The following GRIK2 variants were observed in gnomAD, a reference collection of about 807,000 sequenced individuals.
GRIK2 encodes glutamate receptor ionotropic, kainate 2.
Under a neutral mutation model 100.3 loss-of-function variants are expected in GRIK2, and 32 were observed. The ratio of observed to expected loss-of-function variants is 0.32; its 90% confidence interval spans 0.24 to 0.43. GRIK2 has a LOEUF of 0.43. Ranked by LOEUF, GRIK2 falls within the 20% of genes least tolerant of loss-of-function variation. The pLI is 1.00. For synonymous variants in GRIK2, 417 were observed against 389.4 expected, an observed-to-expected ratio of 1.07 and a Z score of -0.83; for missense variants, 843 against 1,114.9, an observed-to-expected ratio of 0.76 and a Z score of 3.47.
intron 4 of GRIK2, among the ~76,000 whole-genome samples, chr6:101,630,800 T>C (rs1235050657): frequency 6.6e-6 from 1 of 152,120 alleles, no homozygotes. Context: ...CATTACTGTC[T>C]TTATGATGGA....
intron 2 of GRIK2, among the ~76,000 whole-genome samples, chr6:101,414,263 A>G (rs1776008234): frequency 1.3e-5 from 2 of 152,204 alleles, no homozygotes; most frequent in Admixed American, 6.5e-5. Context: ...TTGCTATCAG[A>G]TTAGAATGAC....
At chr6:102,005,585 T>A (rs1795172506) in intron 14 of GRIK2, among the ~76,000 whole-genome samples, 1 of 152,100 alleles carries the variant, frequency 6.6e-6, no homozygotes, top group Non-Finnish European at 1.5e-5. Context: ...TCCATAAAAA[T>A]AAGCTTTATC....
chr6:101,669,614 G>T (rs1770281157), intron 4 of GRIK2, among the ~76,000 whole-genome samples: 1 of 152,032 alleles, frequency 6.6e-6, no homozygotes, highest in Admixed American at 6.6e-5. Flanking sequence ...GATGGATATA[G>T]ACCCACAGAA....
chr6:101,446,973 ATAT>A (rs1267295335), intron 2 of GRIK2, among the ~76,000 whole-genome samples: 2 of 38,912 alleles, frequency 5.1e-5, no homozygotes, highest in Admixed American at 4.0e-4. Flanking sequence ...ATATATTTAT[ATAT>A]TATATGTTTA....
chr6:101,549,058 AG>A (rs1776385697), intron 2 of GRIK2, among the ~76,000 whole-genome samples: 1 of 152,146 alleles, frequency 6.6e-6, no homozygotes, highest in African/African-American at 2.4e-5. Context: ...ACCATCTCTC[AG>A]GATATGAACA....
intron 2 of GRIK2, among the ~76,000 whole-genome samples, chr6:101,589,857 T>C (rs1411887643): frequency 1.3e-5 from 2 of 152,028 alleles, no homozygotes. Flanking sequence ...AAACAAAGAT[T>C]TGGGACTCAA....
chr6:101,626,210 G>C (rs1448528375), intron 3 of GRIK2, among the ~76,000 whole-genome samples, 170 bp from the exon 4 acceptor site: 1 of 152,120 alleles, frequency 6.6e-6, no homozygotes, highest in Non-Finnish European at 1.5e-5. Context: ...CAAACGGAAA[G>C]TGTTCAGAGT....
At chr6:101,782,926 A>G (rs9498702) in intron 7 of GRIK2, among the ~76,000 whole-genome samples, 36,841 of 145,352 alleles carry the variant, frequency 0.25, 5,921 homozygotes, top group East Asian at 0.69. Context: ...GTGCGATCTC[A>G]GCTCACTGCA....
intron 7 of GRIK2, among the ~76,000 whole-genome samples, chr6:101,710,156 GA>G (rs1228360577): frequency 6.6e-6 from 1 of 151,870 alleles, no homozygotes; most frequent in Non-Finnish European, 1.5e-5. Context: ...AGAGCCCTCT[GA>G]TGTTCCTCAT....
intron 4 of GRIK2, among the ~76,000 whole-genome samples, chr6:101,657,850 A>G (rs775828210): frequency 4.6e-5 from 7 of 152,108 alleles, no homozygotes; most frequent in Admixed American, 6.6e-5. Context: ...GAATGCATAT[A>G]GATACATGGT....
chr6:102,050,583 G>T (rs1304384247), intron 15 of GRIK2, among the ~76,000 whole-genome samples: 38 of 150,610 alleles, frequency 2.5e-4, no homozygotes, highest in African/African-American at 8.1e-4. Flanking sequence ...GGAGGCGGAG[G>T]TTGCAGTGAG....
chr6:101,397,038 T>G (rs3811080), intron 1 of GRIK2, among the ~76,000 whole-genome samples: 4,924 of 152,308 alleles, frequency 0.032, 88 homozygotes, highest in Non-Finnish European at 0.046. Flanking sequence ...GAATACTAGT[T>G]TCAAGTGCAA....
chr6:101,664,404 GA>G (rs1228142679), intron 4 of GRIK2, among the ~76,000 whole-genome samples: 1 of 152,164 alleles, frequency 6.6e-6, no homozygotes, highest in African/African-American at 2.4e-5. Context: ...TTTCTCTCAC[GA>G]TTGAGATGCA....
At chr6:101,933,118 T>C (rs1465370321) in intron 14 of GRIK2, among the ~76,000 whole-genome samples, 2 of 151,980 alleles carry the variant, frequency 1.3e-5, no homozygotes, top group Non-Finnish European at 2.9e-5. Context: ...TTAGAGGTTC[T>C]AAGAAAGCAT....
intron 16 of GRIK2, chr6:102,064,036 G>A (rs374187512): frequency 2.1e-6 from 3 of 1,454,880 alleles, no homozygotes; most frequent in African/African-American, 1.4e-5. Context: ...ACTAAAAGAG[G>A]TTTTTAATAA....
chr6:101,421,003 C>T (rs1025595105), intron 2 of GRIK2, among the ~76,000 whole-genome samples: 1 of 152,150 alleles, frequency 6.6e-6, no homozygotes, highest in African/African-American at 2.4e-5. Flanking sequence ...GTGCTCAGGA[C>T]ACAGCACTGT....
rs117903297 is a variant in GRIK2 at position 101,678,582 on chromosome 6, T to C, written c.723+1778T>C. On this transcript the variant is annotated intron_variant, in intron 5 of 16. Coordinates refer to ENST00000369134, the MANE Select transcript of GRIK2 (RefSeq NM_021956.5). ...TCACATTTGAATTTTCCAGTTATTCTAGTAACCAAGAAGAAAGTGAATAGC... is the reference window on the plus strand; with the variant it reads ...TCACATTTGAATTTTCCAGTTATTCCAGTAACCAAGAAGAAAGTGAATAGC... Among the ~76,000 whole-genome samples the C allele has an allele frequency of 8.5e-4, 130 of 152,286 alleles. No individual in the cohort carries two copies. In the East Asian group the frequency reaches 0.021, roughly 24 times the overall value.
intron 2 of GRIK2, among the ~76,000 whole-genome samples, chr6:101,456,872 A>T (rs982759930): frequency 3.3e-5 from 5 of 152,152 alleles, no homozygotes; most frequent in African/African-American, 1.2e-4. Flanking sequence ...ATTTTCCTAG[A>T]TAGAGTCATA....
chr6:101,742,648 A>C (rs992215898), intron 7 of GRIK2, among the ~76,000 whole-genome samples: 3 of 152,192 alleles, frequency 2.0e-5, no homozygotes, highest in Non-Finnish European at 4.4e-5. Flanking sequence ...AAATTGAAAC[A>C]TTTTTTAGTT....
Sources: allele counts gnomAD v4.1 joint callset (sites outside exome capture counted in the v4.1 genomes callset), GRCh38; gene constraint gnomAD v4.1.1; transcripts MANE v1.5; gene names NCBI Gene and HGNC (gene_info 2026-07-23, HGNC 2026-07-21).